SERPINI1: variants seen among roughly 807,000 people sequenced by gnomAD.
The protein encoded by SERPINI1 is serpin family I member 1.
SERPINI1 carries 19 observed loss-of-function variants against 41.1 expected under a neutral mutation model. The observed-to-expected ratio is 0.46, with a 90% confidence interval of 0.32 to 0.68. SERPINI1 has a LOEUF of 0.68. SERPINI1 is among the 30% of genes least tolerant of loss of function. The probability of loss-of-function intolerance (pLI) is 0.03; values close to 1 mark genes in which losing one functional copy is unlikely to be tolerated. For missense variants in SERPINI1, 460 were observed against 479.2 expected (o/e 0.96, Z 0.37); for synonymous variants, 138 against 156.6 (o/e 0.88, Z 0.89).
intron 1 of SERPINI1, among the ~76,000 whole-genome samples, chr3:167,776,827 G>C (rs1726982709): frequency 6.6e-6 from 1 of 152,226 alleles, no homozygotes; most frequent in African/African-American, 2.4e-5. Context: ...TAGTATTTCT[G>C]TCAGCACAGA....
At chr3:167,737,933 A>G (rs1725535732) in intron 1 of SERPINI1, among the ~76,000 whole-genome samples, 1 of 152,092 alleles carries the variant, frequency 6.6e-6, no homozygotes, top group African/African-American at 2.4e-5. Flanking sequence ...CTGTGTCAGT[A>G]AAAGAGATTG....
chr3:167,756,758 A>G (rs1413099161), intron 1 of SERPINI1, among the ~76,000 whole-genome samples: 2 of 152,226 alleles, frequency 1.3e-5, no homozygotes, highest in Admixed American at 6.5e-5. Context: ...TTTCTAGTCC[A>G]CCACTGCAGT....
intron 1 of SERPINI1, among the ~76,000 whole-genome samples, chr3:167,749,781 T>C (rs1286160341): frequency 6.6e-6 from 1 of 152,206 alleles, no homozygotes; most frequent in Non-Finnish European, 1.5e-5. Flanking sequence ...TACTATTGAA[T>C]GCTGTTTATA....
chr3:167,757,409 G>T lies in SERPINI1; in HGVS notation c.-19+21586G>T, dbSNP rs556704155. On this transcript the variant is annotated intron_variant, in intron 1 of 8. Coordinates refer to ENST00000446050, the MANE Select transcript of SERPINI1 (RefSeq NM_001122752.2). ...ATATGATCTCCTTGGTGTTACATAG[G>T]AATTTCTGTTATACAAATCATAATG... 3.3e-5 allele frequency among the ~76,000 whole-genome samples: 5 copies of T among 152,136 alleles called. No individual in the cohort carries two copies. The South Asian group carries it at 1.0e-3, about 32-fold the overall frequency.
intron 6 of SERPINI1, among the ~76,000 whole-genome samples, chr3:167,813,095 A>AAGTGCT (rs1317939132): frequency 2.6e-5 from 4 of 152,190 alleles, no homozygotes; most frequent in African/African-American, 9.7e-5. Flanking sequence ...GGTCAGACTC[A>AAGTGCT]AGTGCTGTTG....
rs575201013 is a variant in SERPINI1 at position 167,741,342 on chromosome 3, T to C, written c.-19+5519T>C. Among the ~76,000 whole-genome samples the C allele has an allele frequency of 1.3e-4, 20 of 152,348 alleles. No homozygotes were observed. In the East Asian group the frequency reaches 3.7e-3, roughly 28 times the overall value. On this transcript the variant is annotated intron_variant, in intron 1 of 8. Transcript: ENST00000446050. ...GGATTCCCAGTAAGAGTAGCTCAAA[T>C]GTCACACAGTGATTTCTATAGCACA...
chr3:167,761,947 A>G (rs1239913876), intron 1 of SERPINI1, among the ~76,000 whole-genome samples: 2 of 152,208 alleles, frequency 1.3e-5, no homozygotes, highest in African/African-American at 4.8e-5. Context: ...GTCTGTGCTT[A>G]AGATATTTCC....
At chr3:167,825,213 AC>A in intron 8 of SERPINI1, 33 bp from the exon 9 acceptor site, 1 of 1,279,990 alleles carries the variant, frequency 7.8e-7, no homozygotes, top group Non-Finnish European at 1.1e-6. Context: ...TATTTTGTTC[AC>A]CCCCTCTTTT....
intron 1 of SERPINI1, among the ~76,000 whole-genome samples, chr3:167,744,230 C>G (rs1185001095): frequency 6.6e-6 from 1 of 152,014 alleles, no homozygotes; most frequent in Non-Finnish European, 1.5e-5. Flanking sequence ...TGTAACTTTA[C>G]TCAAAGGTTG....
At chr3:167,823,555 G>T (rs1466853329) in intron 7 of SERPINI1, among the ~76,000 whole-genome samples, 3 of 151,868 alleles carry the variant, frequency 2.0e-5, no homozygotes, top group African/African-American at 7.3e-5. Context: ...ATGACATCAG[G>T]GTAAATGGGG....
chr3:167,808,822 A>G (rs1316633957), intron 6 of SERPINI1, among the ~76,000 whole-genome samples: 1 of 152,134 alleles, frequency 6.6e-6, no homozygotes, highest in Non-Finnish European at 1.5e-5. Context: ...TGTGAGAGAG[A>G]AACAGTTTGG....
intron 1 of SERPINI1, among the ~76,000 whole-genome samples, chr3:167,783,247 G>A (rs992247123): frequency 3.3e-5 from 5 of 152,118 alleles, no homozygotes; most frequent in Non-Finnish European, 5.9e-5. Context: ...CAACAGGAGA[G>A]GTCCCAGGGT....
chr3:167,764,105 A>G (rs574324296), intron 1 of SERPINI1, among the ~76,000 whole-genome samples: 4 of 152,144 alleles, frequency 2.6e-5, no homozygotes, highest in Admixed American at 6.5e-5. Context: ...ATCAATTATA[A>G]TGGCTAAAAA....
rs71176658 is a variant in SERPINI1 at position 167,772,893 on chromosome 3, TACACACACACACAC to T, written c.-18-16202_-18-16189del. On this transcript the variant is annotated intron_variant, in intron 1 of 8. Transcript: ENST00000446050. The stretch of plus-strand genomic sequence containing the variant: ...ATATATATATATATATATATATATA[TACACACACACACAC>T]ACACACACACACACATGCATATATA... Among the ~76,000 whole-genome samples the T allele has an allele frequency of 3.7e-3, 194 of 52,232 alleles. 3 individuals carry two copies. The highest frequency in any genetic ancestry group is 8.8e-3 in the African/African-American group (96 of 10,860). The allele number at this position is 52,232 out of a possible 152,430, so 34.3% of individuals were successfully genotyped here. A position where few individuals can be genotyped will look rare whatever the true frequency, so the allele number is the denominator to read the frequency against.
chr3:167,818,372 G>A (rs985343100), intron 6 of SERPINI1, among the ~76,000 whole-genome samples: 23 of 152,218 alleles, frequency 1.5e-4, no homozygotes, highest in African/African-American at 5.3e-4. Flanking sequence ...ACAGATATAT[G>A]TATATCTATC....
At chr3:167,790,128 T>G (rs896586889) in intron 2 of SERPINI1, among the ~76,000 whole-genome samples, 3 of 152,168 alleles carry the variant, frequency 2.0e-5, no homozygotes, top group Non-Finnish European at 2.9e-5. Context: ...CTCTATAGAT[T>G]GTAGCAAAAT....
rs181093410 is a variant in SERPINI1 at position 167,811,813 on chromosome 3, C to T, written c.979+4472C>T. ...AGGACAGTCCAGGAGTTCAAAACCA[C>T]CCTGGGTAACATAATGAGACCTTGT... On this transcript the variant is annotated intron_variant, in intron 6 of 8. Transcript: ENST00000446050. Among the ~76,000 whole-genome samples the T allele has an allele frequency of 2.5e-3, 377 of 152,124 alleles. 2 individuals are homozygous for T. Among genetic ancestry groups the T allele is most frequent in the African/African-American group, 8.4e-3 (350 of 41,488 alleles).
At chr3:167,812,902 G>A (rs183423662) in intron 6 of SERPINI1, among the ~76,000 whole-genome samples, 4 of 152,284 alleles carry the variant, frequency 2.6e-5, no homozygotes, top group Admixed American at 6.5e-5. Context: ...TCCTGTTATA[G>A]AGAAGGTCTA....
chr3:167,776,144 C>T (rs1249892842), intron 1 of SERPINI1, among the ~76,000 whole-genome samples: 4 of 152,162 alleles, frequency 2.6e-5, no homozygotes, highest in African/African-American at 4.8e-5. Flanking sequence ...TGCCTGGCTT[C>T]GTTCCACAAT....
Sources: gnomAD v4.1 joint callset for allele counts (sites outside exome capture counted in the v4.1 genomes callset) on GRCh38, gnomAD v4.1.1 for gene constraint, MANE v1.5 for transcripts, NCBI Gene and HGNC (gene_info 2026-07-23, HGNC 2026-07-21) for gene names.